Variants in KCNH7 observed in about 807,000 individuals in gnomAD.
The protein encoded by KCNH7 is potassium voltage-gated channel subfamily H member 7.
KCNH7 carries 49 observed loss-of-function variants against 120.8 expected under a neutral mutation model. The observed-to-expected ratio is 0.41, with a 90% CI of 0.32 to 0.51. KCNH7 has a LOEUF of 0.51. Among genes scored for constraint, KCNH7 ranks in the 20% least tolerant of loss-of-function variants. The pLI is 0.38. For synonymous variants in KCNH7, 547 were observed against 516.1 expected (o/e 1.06, Z -0.81); for missense variants, 1,097 against 1,446.6 (o/e 0.76, Z 3.92).
chr2:162,819,994 C>T (rs1280622351), intron 2 of KCNH7, among the ~76,000 whole-genome samples: 3 of 146,752 alleles, frequency 2.0e-5, no homozygotes, highest in Non-Finnish European at 4.5e-5. Flanking sequence ...TACATAAATT[C>T]TACAGTGTGT....
At chr2:162,437,656 AAAT>A (rs1688287086) in intron 7 of KCNH7, among the ~76,000 whole-genome samples, 1 of 152,260 alleles carries the variant, frequency 6.6e-6, no homozygotes, top group Admixed American at 6.6e-5. Context: ...CTGTGAATAC[AAAT>A]AATAAGGCCA....
At chr2:162,821,703 A>G (rs1436006473) in intron 2 of KCNH7, among the ~76,000 whole-genome samples, 1 of 152,250 alleles carries the variant, frequency 6.6e-6, no homozygotes, top group African/African-American at 2.4e-5. Context: ...TGGATAATAA[A>G]TCATACGATC....
At position 162,373,482 on chromosome 2, in the gene KCNH7, G is replaced by A. The variant is rs375047834; in HGVS notation, c.3312C>T (p.Ser1104=). ...TATCCACACTTACTTGTGAGGAAGG[G>A]CTGAAACTTCGGTCAGTTTTGATGG... ...EASIKTDRSF[S]PSSQCPEFLD... is the part of the protein sequence containing the mutation. The change falls in exon 15 of 16, where the codon AGC becomes AGT. Residue 1104 remains serine, a synonymous_variant. Coordinates refer to ENST00000332142, the MANE Select transcript of KCNH7 (RefSeq NM_033272.4). The A allele has an allele frequency of 6.0e-5, 92 of 1,539,768 alleles. 1 individual carries two copies. The African/African-American group carries it at 1.1e-3, about 19-fold the overall frequency.
chr2:162,806,840 AT>A (rs890707187), intron 2 of KCNH7, among the ~76,000 whole-genome samples: 20 of 151,624 alleles, frequency 1.3e-4, no homozygotes, highest in Non-Finnish European at 2.4e-4. Context: ...GTCAAATGGA[AT>A]TTTTTTTTAA....
At chr2:162,805,034 G>A (rs1048898130) in intron 2 of KCNH7, among the ~76,000 whole-genome samples, 18 of 151,794 alleles carry the variant, frequency 1.2e-4, no homozygotes, top group Non-Finnish European at 2.2e-4. Flanking sequence ...CTAGCTACAC[G>A]AAGAAGAATG....
At chr2:162,526,108 G>A (rs1463682296) in intron 3 of KCNH7, among the ~76,000 whole-genome samples, 1 of 151,864 alleles carries the variant, frequency 6.6e-6, no homozygotes, top group African/African-American at 2.4e-5. Flanking sequence ...GACATCACAT[G>A]TTGGCAGGTT....
At chr2:162,528,986 C>G (rs1264986609) in intron 3 of KCNH7, among the ~76,000 whole-genome samples, 1 of 151,756 alleles carries the variant, frequency 6.6e-6, no homozygotes, top group Non-Finnish European at 1.5e-5. Flanking sequence ...AATGACTATT[C>G]ATAATGTATG....
At chr2:162,679,196 A>G (rs1685628937) in intron 2 of KCNH7, among the ~76,000 whole-genome samples, 1 of 151,588 alleles carries the variant, frequency 6.6e-6, no homozygotes, top group African/African-American at 2.4e-5. Context: ...AATAAGATTG[A>G]TAGAAAATAC....
intron 6 of KCNH7, among the ~76,000 whole-genome samples, chr2:162,471,927 A>G (rs1043517236): frequency 6.6e-6 from 1 of 152,214 alleles, no homozygotes; most frequent in African/African-American, 2.4e-5. Context: ...CCTCAGAAAT[A>G]ATACCACACA....
intron 2 of KCNH7, among the ~76,000 whole-genome samples, chr2:162,621,338 C>T (rs184224739): frequency 7.6e-5 from 11 of 145,554 alleles, no homozygotes; most frequent in East Asian, 2.1e-4. Flanking sequence ...ATGCCCCTGC[C>T]GGCAAATGAG....
chr2:162,537,475 G>T (rs931430949), intron 2 of KCNH7, among the ~76,000 whole-genome samples: 5 of 151,814 alleles, frequency 3.3e-5, no homozygotes, highest in African/African-American at 1.2e-4. Flanking sequence ...AAAAATGAAG[G>T]CAACTCATGT....
chr2:162,580,392 T>C (rs184915435), intron 2 of KCNH7, among the ~76,000 whole-genome samples: 17 of 152,082 alleles, frequency 1.1e-4, no homozygotes, highest in African/African-American at 4.1e-4. Context: ...AGCCAAAACA[T>C]GGAAGAAATT....
chr2:162,414,017 A>G (rs964683981), intron 9 of KCNH7, among the ~76,000 whole-genome samples: 8 of 152,058 alleles, frequency 5.3e-5, no homozygotes, highest in African/African-American at 1.7e-4. Flanking sequence ...TGAATGAATG[A>G]AAAAGGTGCT....
At chr2:162,805,457 A>T (rs566594516) in intron 2 of KCNH7, among the ~76,000 whole-genome samples, 63 of 152,152 alleles carry the variant, frequency 4.1e-4, no homozygotes, top group Non-Finnish European at 7.5e-4. Flanking sequence ...GAGGATATAC[A>T]GATGGCCAAC....
intron 2 of KCNH7, among the ~76,000 whole-genome samples, chr2:162,628,017 A>C (rs1367642861): frequency 6.6e-6 from 1 of 152,124 alleles, no homozygotes; most frequent in African/African-American, 2.4e-5. Flanking sequence ...TTTTTACAAA[A>C]CCAAGAACAC....
chr2:162,475,397 A>C lies in KCNH7; in HGVS notation c.1129-28954T>G, dbSNP rs867810689. On this transcript the variant is annotated intron_variant, in intron 6 of 15. Coordinates refer to ENST00000332142, the MANE Select transcript of KCNH7 (RefSeq NM_033272.4). ...AGATCTGATATTGAACCCTATGCCA[A>C]ATAGCGTGGCATGAGGCCAGAGAAC... is the stretch of plus-strand genomic sequence containing the variant. Among the ~76,000 whole-genome samples the C allele has an allele frequency of 3.3e-5, 5 of 152,228 alleles. No homozygotes were observed. In the South Asian group the frequency reaches 1.0e-3, roughly 31 times the overall value.
intron 2 of KCNH7, among the ~76,000 whole-genome samples, chr2:162,555,882 T>C (rs1027505458): frequency 1.7e-4 from 26 of 152,248 alleles, no homozygotes; most frequent in African/African-American, 6.0e-4. Context: ...TTTCCTGTTT[T>C]TCTGCTTATT....
At chr2:162,482,738 T>C (rs1442381774) in intron 6 of KCNH7, among the ~76,000 whole-genome samples, 1 of 152,154 alleles carries the variant, frequency 6.6e-6, no homozygotes, top group Non-Finnish European at 1.5e-5. Context: ...AATAGAACCT[T>C]GGGAAATTGA....
chr2:162,610,419 GAATATCATTTC>G (rs1682928745), intron 2 of KCNH7, among the ~76,000 whole-genome samples: 1 of 152,116 alleles, frequency 6.6e-6, no homozygotes, highest in East Asian at 1.9e-4. Flanking sequence ...TAGGATTTAG[GAATATCATTTC>G]AATTCACTAC....
Sources: allele counts gnomAD v4.1 joint callset (sites outside exome capture counted in the v4.1 genomes callset), GRCh38; gene constraint gnomAD v4.1.1; transcripts MANE v1.5; gene names NCBI Gene and HGNC (gene_info 2026-07-23, HGNC 2026-07-21).